Variants in CTNNA3 observed in about 807,000 individuals in gnomAD.
The protein encoded by CTNNA3 is catenin alpha 3.
CTNNA3 carries 76 observed loss-of-function variants against 95.7 expected under a neutral mutation model. The ratio of observed to expected loss-of-function variants is 0.79; its 90% CI spans 0.66 to 0.96. The LOEUF is 0.96. Among genes scored for constraint, CTNNA3 ranks in the 40% least tolerant of loss-of-function variants. CTNNA3 has a pLI of 0.00. For missense variants in CTNNA3, 1,191 were observed against 1,089.8 expected, an observed-to-expected ratio of 1.09 and a Z score of -1.31; for synonymous variants, 431 against 374.4, an observed-to-expected ratio of 1.15 and a Z score of -1.74.
intron 7 of CTNNA3, among the ~76,000 whole-genome samples, chr10:66,789,987 G>A (rs557871101): frequency 3.9e-5 from 6 of 152,236 alleles, no homozygotes; most frequent in Admixed American, 2.6e-4. Context: ...GGAGTGAAGG[G>A]AAAATATATT....
intron 5 of CTNNA3, among the ~76,000 whole-genome samples, chr10:67,233,022 T>A (rs1865291345): frequency 6.6e-6 from 1 of 152,010 alleles, no homozygotes; most frequent in South Asian, 2.1e-4. Flanking sequence ...AAGTCCTGAG[T>A]GACCTACAAA....
chr10:66,053,829 T>C (rs1049611431), intron 15 of CTNNA3, among the ~76,000 whole-genome samples: 1 of 152,108 alleles, frequency 6.6e-6, no homozygotes, highest in Non-Finnish European at 1.5e-5. Flanking sequence ...TACTATAGTT[T>C]CCCTATTGTG....
At chr10:66,434,005 T>G (rs1408435671) in intron 11 of CTNNA3, among the ~76,000 whole-genome samples, 2 of 152,208 alleles carry the variant, frequency 1.3e-5, no homozygotes, top group South Asian at 4.1e-4. Context: ...GGTCTATATA[T>G]CTGTTTTGGT....
intron 16 of CTNNA3, among the ~76,000 whole-genome samples, chr10:65,985,305 G>T (rs182195169): frequency 6.6e-6 from 1 of 151,036 alleles, no homozygotes; most frequent in East Asian, 1.9e-4. Context: ...GTACTATGAA[G>T]TTGAACATAA....
At chr10:67,619,984 A>G (rs1047464301) in intron 2 of CTNNA3, among the ~76,000 whole-genome samples, 2 of 151,944 alleles carry the variant, frequency 1.3e-5, no homozygotes, top group Non-Finnish European at 2.9e-5. Context: ...AACCCAGAAC[A>G]TCCTAGATAC....
chr10:67,132,143 T>C (rs992679424), intron 7 of CTNNA3, among the ~76,000 whole-genome samples: 1 of 152,128 alleles, frequency 6.6e-6, no homozygotes, highest in African/African-American at 2.4e-5. Flanking sequence ...GCCAATAGGA[T>C]ACAGCATTTG....
intron 7 of CTNNA3, among the ~76,000 whole-genome samples, chr10:66,827,280 C>T (rs1000672000): frequency 2.0e-5 from 3 of 152,152 alleles, no homozygotes; most frequent in Non-Finnish European, 4.4e-5. Flanking sequence ...GCTGCTTCAT[C>T]AAACACCAAA....
In CTNNA3 at chr10:66,200,241, A is replaced by G. The variant is rs558558859; in HGVS notation, c.1884+80229T>C. Among the ~76,000 whole-genome samples, 491 of 135,374 alleles carry G rather than the reference A, an allele frequency of 3.6e-3. 8 individuals carry two copies. Among genetic ancestry groups the G allele is most frequent in the African/African-American group, 0.013 (463 of 36,764 alleles). The allele number at this position is 135,374 out of a possible 152,430, so 88.8% of individuals were successfully genotyped here. The stretch of plus-strand genomic sequence containing the variant: ...AAGGGAAGGGAAGGTAAGGGAAGGG[A>G]GGGGAGGGGAGGAGAGGGAAGGGAA... On this transcript the variant is annotated intron_variant, in intron 13 of 17. Coordinates refer to ENST00000433211, the MANE Select transcript of CTNNA3 (RefSeq NM_013266.4).
chr10:66,465,243 A>C (rs984594805), intron 11 of CTNNA3, among the ~76,000 whole-genome samples: 1 of 152,144 alleles, frequency 6.6e-6, no homozygotes, highest in Non-Finnish European at 1.5e-5. Flanking sequence ...AAACCTAATG[A>C]GTGGTACACC....
intron 7 of CTNNA3, among the ~76,000 whole-genome samples, chr10:67,083,087 G>A (rs10762135): frequency 0.76 from 115,979 of 151,984 alleles, 44,920 homozygotes; most frequent in Middle Eastern, 0.9. Context: ...GGGGACCAGT[G>A]AGCATCCTGG....
intron 17 of CTNNA3, among the ~76,000 whole-genome samples, chr10:65,960,862 T>C (rs967087557): frequency 6.6e-6 from 1 of 152,256 alleles, no homozygotes; most frequent in Non-Finnish European, 1.5e-5. Context: ...AATTCTTTTA[T>C]ATGACTGCAT....
At chr10:66,329,075 C>A (rs186012551) in intron 12 of CTNNA3, among the ~76,000 whole-genome samples, 1 of 150,860 alleles carries the variant, frequency 6.6e-6, no homozygotes, top group African/African-American at 2.4e-5. Context: ...CTCAGCCTCT[C>A]GAGTAGCTGG....
intron 7 of CTNNA3, among the ~76,000 whole-genome samples, chr10:67,115,022 C>T (rs1301158564): frequency 6.6e-6 from 1 of 152,060 alleles, no homozygotes; most frequent in African/African-American, 2.4e-5. Context: ...TGTCGTATGC[C>T]ATTTGTGTCA....
intron 7 of CTNNA3, among the ~76,000 whole-genome samples, chr10:66,983,964 A>G (rs2132895506): frequency 6.6e-6 from 1 of 152,336 alleles, no homozygotes; most frequent in African/African-American, 2.4e-5. Flanking sequence ...GGTAGATACT[A>G]TTATTATCTC....
chr10:66,514,249 T>A lies in CTNNA3; in HGVS notation c.1531+6368A>T, dbSNP rs139787785. On this transcript the variant is annotated intron_variant, in intron 11 of 17. Coordinates refer to ENST00000433211, the MANE Select transcript of CTNNA3 (RefSeq NM_013266.4). ...AGAATTTAAAATGGGAATAAATACT[T>A]TTACACATTCAGCAAATACCTATTA... Among the ~76,000 whole-genome samples, 4 of 152,192 alleles carry A rather than the reference T, an allele frequency of 2.6e-5. No homozygotes were observed. In the East Asian group the frequency reaches 7.7e-4, roughly 29 times the overall value.
intron 5 of CTNNA3, among the ~76,000 whole-genome samples, chr10:67,435,650 C>G (rs868518084): frequency 1.3e-5 from 2 of 152,108 alleles, no homozygotes; most frequent in South Asian, 4.2e-4. Flanking sequence ...TTAATGTACA[C>G]CAATCAGTAG....
At chr10:66,693,499 C>A (rs1004022180) in intron 9 of CTNNA3, among the ~76,000 whole-genome samples, 1 of 151,420 alleles carries the variant, frequency 6.6e-6, no homozygotes, top group African/African-American at 2.4e-5. Flanking sequence ...TAGACTCCCA[C>A]ACAATAATAA....
intron 11 of CTNNA3, among the ~76,000 whole-genome samples, chr10:66,385,232 A>G (rs1340861666): frequency 1.3e-5 from 2 of 152,086 alleles, no homozygotes; most frequent in Non-Finnish European, 2.9e-5. Flanking sequence ...GAATCAAATG[A>G]ACGCAATAAA....
chr10:66,545,832 T>A (rs1842018623), intron 10 of CTNNA3, among the ~76,000 whole-genome samples: 1 of 151,958 alleles, frequency 6.6e-6, no homozygotes, highest in Non-Finnish European at 1.5e-5. Context: ...GTTATTAGTA[T>A]ATTTAAGTCA....
Sources: allele counts gnomAD v4.1 joint callset (sites outside exome capture counted in the v4.1 genomes callset), GRCh38; gene constraint gnomAD v4.1.1; transcripts MANE v1.5; gene names NCBI Gene and HGNC (gene_info 2026-07-23, HGNC 2026-07-21).